The following GTF2H1 variants were observed in gnomAD, a reference collection of about 807,000 sequenced individuals.
GTF2H1 encodes the protein BTF2 p62.
Under a neutral mutation model 71.2 loss-of-function variants are expected in GTF2H1, and 16 were observed. The ratio of observed to expected loss-of-function variants is 0.22; its 90% CI spans 0.15 to 0.34. The LOEUF is 0.34. GTF2H1 is among the 10% of genes least tolerant of loss of function. GTF2H1 has a pLI of 1.00. For missense variants in GTF2H1, 498 were observed against 648.2 expected (o/e 0.77, Z 2.52); for synonymous variants, 215 against 219.0 (o/e 0.98, Z 0.16).
chr11:18,325,311 A>G (rs1565001831), intron 1 of GTF2H1, among the ~76,000 whole-genome samples: 1 of 152,268 alleles, frequency 6.6e-6, no homozygotes, highest in South Asian at 2.1e-4. Context: ...AGTTATTAGA[A>G]TCTGTATGAG....
chr11:18,363,543 A>G (rs973963072), intron 14 of GTF2H1, among the ~76,000 whole-genome samples: 6 of 152,240 alleles, frequency 3.9e-5, no homozygotes, highest in African/African-American at 1.4e-4. Context: ...TCAGTATTCA[A>G]TAAGTAGGAT....
chr11:18,342,732 C>CT lies in GTF2H1; in HGVS notation c.837+1134dup, dbSNP rs369564474. 9.9e-5 allele frequency among the ~76,000 whole-genome samples: 15 copies of CT among 151,250 alleles called. No homozygotes were observed. The East Asian group carries it at 1.9e-3, about 20-fold the overall frequency. ...GTATGAAAGGAAGACTTTTTTAGTG[C>CT]TTTTTTTTTCTTTAAAATAAACATG... is the stretch of plus-strand genomic sequence containing the variant. On this transcript the variant is annotated intron_variant, in intron 7 of 14. Transcript: ENST00000265963.
chr11:18,352,999 G>A (rs553855833), intron 11 of GTF2H1, among the ~76,000 whole-genome samples: 14 of 152,334 alleles, frequency 9.2e-5, no homozygotes, highest in Non-Finnish European at 4.4e-5. Context: ...GCCGAGGTGG[G>A]TGGATCACGT....
chr11:18,341,210 G>A (rs773220534), intron 5 of GTF2H1, 51 bp from the exon 6 acceptor site: 2 of 1,477,906 alleles, frequency 1.4e-6, no homozygotes, highest in African/African-American at 1.4e-5. Context: ...AATTTGAGAG[G>A]TTTTAAAAAT....
At chr11:18,360,880 A>G (rs892801279) in intron 14 of GTF2H1, 173 bp downstream of exon 14, 1 of 490,162 alleles carries the variant, frequency 2.0e-6, no homozygotes, top group African/African-American at 2.1e-5. Context: ...ATCTCAGCTC[A>G]CTGCAACCTC....
At chr11:18,349,430 C>A (rs1865377174) in intron 9 of GTF2H1, among the ~76,000 whole-genome samples, 1 of 152,148 alleles carries the variant, frequency 6.6e-6, no homozygotes, top group African/African-American at 2.4e-5. Context: ...CACCTGTAGT[C>A]CCAGCACTTT....
At chr11:18,352,948 G>T (rs762242956) in intron 11 of GTF2H1, among the ~76,000 whole-genome samples, 1 of 152,190 alleles carries the variant, frequency 6.6e-6, no homozygotes, top group Non-Finnish European at 1.5e-5. Flanking sequence ...TATTTTGGCC[G>T]GGCACAGTGG....
intron 3 of GTF2H1, among the ~76,000 whole-genome samples, chr11:18,336,431 T>A (rs1865030835): frequency 2.0e-5 from 3 of 152,192 alleles, no homozygotes; most frequent in Admixed American, 6.5e-5. Flanking sequence ...CCCGGCCACC[T>A]ATCCTCACTT....
intron 7 of GTF2H1, among the ~76,000 whole-genome samples, chr11:18,346,859 C>G (rs1865307630): frequency 6.7e-6 from 1 of 148,680 alleles, no homozygotes; most frequent in Admixed American, 6.7e-5. Context: ...CCTCACTCAG[C>G]CTCCCCAACA....
intron 11 of GTF2H1, among the ~76,000 whole-genome samples, chr11:18,356,551 G>T (rs1302318152): frequency 6.6e-6 from 1 of 151,992 alleles, no homozygotes; most frequent in Non-Finnish European, 1.5e-5. Context: ...TGGCCCTTGG[G>T]CCCGAGTAGA....
chr11:18,350,580 G>A (rs898298158), intron 9 of GTF2H1, among the ~76,000 whole-genome samples: 1 of 149,540 alleles, frequency 6.7e-6, no homozygotes, highest in Non-Finnish European at 1.5e-5. Context: ...GGTCAGATTT[G>A]TGACTTCATG....
intron 7 of GTF2H1, 61 bp downstream of exon 7, chr11:18,341,668 C>G: frequency 9.4e-7 from 1 of 1,061,250 alleles, no homozygotes; most frequent in Non-Finnish European, 1.4e-6. Context: ...TCAACATTGT[C>G]TTAAGCGTAG....
At chr11:18,358,493 C>T (rs561637718) in intron 12 of GTF2H1, 32 bp from the exon 13 acceptor site, 1 of 1,259,768 alleles carries the variant, frequency 7.9e-7, no homozygotes, top group South Asian at 1.2e-5. Flanking sequence ...TAAAATAGCT[C>T]TTAACCTATG....
At chr11:18,352,761 T>C (rs1280943374) in intron 11 of GTF2H1, among the ~76,000 whole-genome samples, 1 of 152,248 alleles carries the variant, frequency 6.6e-6, no homozygotes, top group African/African-American at 2.4e-5. Flanking sequence ...TCTGCATGAC[T>C]CAGGCTTAAA....
chr11:18,335,328 T>C (rs1039033002), intron 2 of GTF2H1, among the ~76,000 whole-genome samples: 8 of 152,206 alleles, frequency 5.3e-5, no homozygotes, highest in Admixed American at 2.0e-4. Context: ...ATATTTCCCT[T>C]GCAAAAAGAA....
Position 18,341,548 on chromosome 11 carries a change from T to A in GTF2H1, c.778T>A (p.Leu260Ile). Residue 260 changes from leucine (L) to isoleucine (I), a missense_variant, in exon 7 of 15, where the codon TTA (leucine) becomes ATA (isoleucine). Physicochemically the swap from Leu to Ile is conservative, Grantham distance 5. Transcript: ENST00000265963. Reference protein sequence around the residue: ...DEKGLKTMVSLGVKNPLLDLT... With the variant: ...DEKGLKTMVSIGVKNPLLDLT... ...TCTAGGCCTAAAAACAATGGTTTCA[T>A]TAGGAGTGAAAAACCCACTACTAGA... 6.2e-7 allele frequency: 1 copy of A among 1,611,780 alleles called. No homozygotes were observed. The highest frequency in any genetic ancestry group is 8.5e-7 in the Non-Finnish European group (1 of 1,178,512).
chr11:18,329,022 A>T (rs905562205), intron 1 of GTF2H1, among the ~76,000 whole-genome samples: 1 of 152,198 alleles, frequency 6.6e-6, no homozygotes, highest in Non-Finnish European at 1.5e-5. Context: ...TGATATATGG[A>T]TATCAAAATG....
In GTF2H1 at chr11:18,366,979, T is replaced by C. The variant is rs946956726; in HGVS notation, c.*1110T>C. The C allele has an allele frequency of 4.6e-5, 7 of 152,104 alleles. No homozygotes were observed. The highest frequency in any genetic ancestry group is 1.0e-4 in the Non-Finnish European group (7 of 68,028). 9.4% of individuals were successfully genotyped at this position (152,104 alleles called of 1,614,324 possible). The stretch of plus-strand genomic sequence containing the variant: ...GGGATCAACTTAATGTTTAAGACTT[T>C]AGATGTCTTGTATTAAAAATTACAC... On this transcript the variant is annotated 3_prime_UTR_variant, in exon 15 of 15. Coordinates refer to ENST00000265963, the MANE Select transcript of GTF2H1 (RefSeq NM_005316.4).
chr11:18,360,526 A>T (rs1203186400), intron 13 of GTF2H1, 89 bp from the exon 14 acceptor site: 6 of 629,396 alleles, frequency 9.5e-6, no homozygotes, highest in Middle Eastern at 4.5e-4. Context: ...TCTACAAGAA[A>T]AGTAACTTTC....
Sources: allele counts gnomAD v4.1 joint callset (sites outside exome capture counted in the v4.1 genomes callset), GRCh38; gene constraint gnomAD v4.1.1; transcripts MANE v1.5; gene names NCBI Gene and HGNC (gene_info 2026-07-23, HGNC 2026-07-21).